The following TOX variants were observed in gnomAD, a reference collection of about 807,000 sequenced individuals.
TOX encodes thymocyte selection-associated high mobility group box protein TOX.
A neutral mutation model predicts 53.7 loss-of-function variants in TOX; 11 were observed. That is an observed-to-expected ratio of 0.20 (90% confidence interval 0.13 to 0.34). The LOEUF (loss-of-function observed/expected upper bound fraction) is 0.34. Among genes scored for constraint, TOX ranks in the 10% least tolerant of loss-of-function variants. The pLI is 1.00. For missense variants in TOX, 570 were observed against 664.6 expected (o/e 0.86, Z 1.56); for synonymous variants, 225 against 245.3 (o/e 0.92, Z 0.77).
chr8:58,834,453 T>C (rs1810515517), intron 5 of TOX, among the ~76,000 whole-genome samples: 1 of 152,222 alleles, frequency 6.6e-6, no homozygotes, highest in African/African-American at 2.4e-5. Flanking sequence ...TAGCAGTATG[T>C]GTGTTCCCCA....
intron 7 of TOX, among the ~76,000 whole-genome samples, chr8:58,812,394 T>A (rs1810099240): frequency 6.6e-6 from 1 of 152,148 alleles, no homozygotes; most frequent in Non-Finnish European, 1.5e-5. Context: ...TCCGATCTCC[T>A]GGACAGGCCA....
intron 1 of TOX, among the ~76,000 whole-genome samples, chr8:58,976,273 T>C (rs1170462876): frequency 6.6e-6 from 1 of 152,260 alleles, no homozygotes; most frequent in Non-Finnish European, 1.5e-5. Context: ...TCAACAATGT[T>C]CACAGCATTT....
At chr8:59,092,644 G>T (rs912986097) in intron 1 of TOX, among the ~76,000 whole-genome samples, 1 of 151,910 alleles carries the variant, frequency 6.6e-6, no homozygotes, top group Non-Finnish European at 1.5e-5. Context: ...TCCTGTGCTG[G>T]TCTCTTCAGC....
intron 3 of TOX, among the ~76,000 whole-genome samples, chr8:58,901,298 G>A (rs991652694): frequency 1.3e-5 from 2 of 152,100 alleles, no homozygotes; most frequent in Admixed American, 1.3e-4. Flanking sequence ...GTTTCAACAG[G>A]CTAATGCTCA....
At chr8:58,974,117 G>T (rs1813051299) in intron 1 of TOX, among the ~76,000 whole-genome samples, 1 of 152,122 alleles carries the variant, frequency 6.6e-6, no homozygotes, top group Non-Finnish European at 1.5e-5. Context: ...TTTTCAAATG[G>T]GAGTGATTTC....
intron 1 of TOX, among the ~76,000 whole-genome samples, chr8:59,058,760 T>A (rs1384249450): frequency 6.6e-6 from 1 of 152,188 alleles, no homozygotes; most frequent in Non-Finnish European, 1.5e-5. Context: ...TTTCCCCACC[T>A]GCAACTATTT....
chr8:59,062,605 G>C (rs1804005824), intron 1 of TOX, among the ~76,000 whole-genome samples: 1 of 152,176 alleles, frequency 6.6e-6, no homozygotes, highest in African/African-American at 2.4e-5. Flanking sequence ...AGACAGCTTA[G>C]GGTCACTTTC....
At chr8:59,011,627 A>T (rs1813906813) in intron 1 of TOX, among the ~76,000 whole-genome samples, 1 of 152,074 alleles carries the variant, frequency 6.6e-6, no homozygotes, top group Non-Finnish European at 1.5e-5. Flanking sequence ...TCTACCACTT[A>T]CTGTCTGTAA....
chr8:59,009,011 T>C (rs564242057), intron 1 of TOX, among the ~76,000 whole-genome samples: 1 of 152,248 alleles, frequency 6.6e-6, no homozygotes, highest in Admixed American at 6.5e-5. Flanking sequence ...AAGTGCTTTA[T>C]CTGTCCCCTC....
At position 58,965,916 on chromosome 8, in the gene TOX, T is replaced by G. The variant is rs1339520896; in HGVS notation, c.103-5908A>C. 3.6e-4 allele frequency among the ~76,000 whole-genome samples: 53 copies of G among 147,224 alleles called. 1 individual carries two copies. The highest frequency in any genetic ancestry group is 1.2e-3 in the African/African-American group (49 of 40,076). ...ATCGTTTTTTTTTTTTTTTTTTTTT[T>G]TTTTTTTTTGGTAACAGAAGAAATA... On this transcript the variant is annotated intron_variant, in intron 1 of 8. Coordinates refer to ENST00000361421, the MANE Select transcript of TOX (RefSeq NM_014729.3).
chr8:59,003,404 C>G (rs1813730235), intron 1 of TOX, among the ~76,000 whole-genome samples: 1 of 152,154 alleles, frequency 6.6e-6, no homozygotes, highest in Non-Finnish European at 1.5e-5. Flanking sequence ...CTCACCTGAT[C>G]CTGGCCTATT....
At chr8:59,036,617 A>G (rs1028232134) in intron 1 of TOX, among the ~76,000 whole-genome samples, 26 of 152,228 alleles carry the variant, frequency 1.7e-4, no homozygotes, top group Non-Finnish European at 2.8e-4. Context: ...ATTATCCATG[A>G]AAATACCATC....
chr8:59,118,298 C>T lies in TOX; in HGVS notation c.102+588G>A, dbSNP rs1805144463. On this transcript the variant is annotated intron_variant, in intron 1 of 8. Transcript: ENST00000361421. This position sits in a 1 kb window ranked among gnomAD's most constrained non-coding sequence, Gnocchi z 4.1. ...AGCTACCCCGCTGTGCTCTGGCCCGCGGACCTGTGTCCGAACCCGGGCTCG... is the reference window on the plus strand; with the variant it reads ...AGCTACCCCGCTGTGCTCTGGCCCGTGGACCTGTGTCCGAACCCGGGCTCG... Among the ~76,000 whole-genome samples, 1 of 152,244 alleles carries T rather than the reference C, an allele frequency of 6.6e-6. No homozygotes were observed. The highest frequency in any genetic ancestry group is 1.5e-5 in the Non-Finnish European group (1 of 68,046).
intron 1 of TOX, among the ~76,000 whole-genome samples, chr8:59,042,046 G>T (rs310368): frequency 6.6e-6 from 1 of 151,932 alleles, no homozygotes; most frequent in African/African-American, 2.4e-5. Flanking sequence ...TCCATATAGC[G>T]TACTCCCTTT....
At chr8:58,970,430 T>C (rs1275968807) in intron 1 of TOX, among the ~76,000 whole-genome samples, 1 of 152,206 alleles carries the variant, frequency 6.6e-6, no homozygotes, top group Non-Finnish European at 1.5e-5. Flanking sequence ...TCATAGAATT[T>C]ATCCTCCAGC....
At chr8:58,980,374 A>C (rs961861088) in intron 1 of TOX, among the ~76,000 whole-genome samples, 4 of 152,156 alleles carry the variant, frequency 2.6e-5, no homozygotes, top group African/African-American at 9.7e-5. Flanking sequence ...TGTGGTGGCT[A>C]TCAGTGATCT....
intron 3 of TOX, among the ~76,000 whole-genome samples, chr8:58,907,801 A>T (rs568511818): frequency 1.3e-5 from 2 of 152,292 alleles, no homozygotes; most frequent in East Asian, 3.9e-4. Context: ...ACTAGTGGCA[A>T]TTCCTCGAGG....
At chr8:58,812,790 T>A (rs2129164126) in intron 7 of TOX, among the ~76,000 whole-genome samples, 2 of 152,360 alleles carry the variant, frequency 1.3e-5, no homozygotes, top group East Asian at 3.9e-4. Flanking sequence ...AGGGGTTCAA[T>A]TAAAATTTTT....
intron 3 of TOX, among the ~76,000 whole-genome samples, chr8:58,933,480 A>G (rs1313475063): frequency 6.6e-6 from 1 of 151,646 alleles, no homozygotes; most frequent in Non-Finnish European, 1.5e-5. Context: ...ACAAAGCAAT[A>G]TCACTTTTTT....
Sources: allele counts gnomAD v4.1 joint callset (sites outside exome capture counted in the v4.1 genomes callset), GRCh38; gene constraint gnomAD v4.1.1; non-coding constraint Gnocchi (gnomAD v3.1); transcripts MANE v1.5; gene names NCBI Gene and HGNC (gene_info 2026-07-23, HGNC 2026-07-21).